DENND2B: variants seen among roughly 807,000 people sequenced by gnomAD.
DENND2B encodes the protein DENN domain-containing protein 2B.
A neutral mutation model predicts 116.0 loss-of-function variants in DENND2B; 32 were observed. The ratio of observed to expected loss-of-function variants is 0.28; its 90% CI spans 0.21 to 0.37. The LOEUF (loss-of-function observed/expected upper bound fraction) is 0.37, where lower values mean the gene tolerates loss of function less well. DENND2B is among the 10% of genes least tolerant of loss of function. The pLI, the probability that DENND2B is intolerant of heterozygous loss-of-function variation, is 1.00. For synonymous variants in DENND2B, 588 were observed against 583.9 expected (o/e 1.01, Z -0.10); for missense variants, 1,276 against 1,477.7 (o/e 0.86, Z 2.24).
At chr11:8,736,171 G>A (rs1207642125) in intron 2 of DENND2B, among the ~76,000 whole-genome samples, 1 of 152,130 alleles carries the variant, frequency 6.6e-6, no homozygotes, top group African/African-American at 2.4e-5. Flanking sequence ...AACCCCACCA[G>A]GCCGGAGATA....
chr11:8,880,384 TA>T lies in DENND2B; in HGVS notation c.-156+625del, dbSNP rs1458491953. On this transcript the variant is annotated intron_variant, in intron 2 of 22. Coordinates refer to the DENND2B transcript ENST00000534127. ...GTGTGTGTGTGTGTGTGTGTGTGTG[TA>T]GTTTTTACTACCAAATGTGATTTAT... is the stretch of plus-strand genomic sequence containing the variant. Among the ~76,000 whole-genome samples, 48 of 150,072 alleles carry T rather than the reference TA, an allele frequency of 3.2e-4. 1 individual carries two copies. The highest frequency in any genetic ancestry group is 9.1e-4 in the African/African-American group (37 of 40,632).
chr11:8,740,998 A>G (rs1408288992), intron 2 of DENND2B, among the ~76,000 whole-genome samples: 2 of 152,224 alleles, frequency 1.3e-5, no homozygotes, highest in Non-Finnish European at 2.9e-5. Flanking sequence ...CCCATTCCAG[A>G]AAAGTCCTGA....
intron 3 of DENND2B, 113 bp downstream of exon 3, chr11:8,729,837 A>C: frequency 7.3e-7 from 1 of 1,375,442 alleles, no homozygotes; most frequent in Non-Finnish European, 9.9e-7. Flanking sequence ...TCAGCACTTC[A>C]GAGCTTACGA....
Position 8,696,031 on chromosome 11 carries a change from C to T in DENND2B, c.3292+396G>A, listed in dbSNP as rs145409464. ...CATCTGCCTTAAATGAAGACTGCCA[C>T]CAACCTACGACAGCTGGCCCAATGC... On this transcript the variant is annotated intron_variant, in intron 18 of 19. Transcript: ENST00000313726. The T allele has an allele frequency of 3.6e-4, 93 of 257,266 alleles. No homozygotes were observed. The East Asian group carries it at 8.5e-3, about 23-fold the overall frequency. The allele number at this position is 257,266 out of a possible 1,614,324, so 15.9% of individuals were successfully genotyped here.
At chr11:8,792,560 T>C (rs559824030) in intron 1 of DENND2B, among the ~76,000 whole-genome samples, 2 of 152,284 alleles carry the variant, frequency 1.3e-5, no homozygotes, top group South Asian at 4.1e-4. Flanking sequence ...CGTATGTATG[T>C]AAAAGCTCTC....
chr11:8,698,907 ACT>A (rs1565623032), intron 16 of DENND2B, 24 bp downstream of exon 16: 1 of 1,613,940 alleles, frequency 6.2e-7, no homozygotes, highest in Non-Finnish European at 8.5e-7. Context: ...CAGGAGCCCA[ACT>A]CTAGCAAGCA....
intron 1 of DENND2B, among the ~76,000 whole-genome samples, chr11:8,755,716 G>T (rs772435443): frequency 6.6e-6 from 1 of 152,138 alleles, no homozygotes; most frequent in Non-Finnish European, 1.5e-5. Context: ...TCGAACTGCT[G>T]GTCTCAAGTG....
chr11:8,901,648 T>C (rs1175759347), intron 1 of DENND2B, among the ~76,000 whole-genome samples: 1 of 152,222 alleles, frequency 6.6e-6, no homozygotes, highest in Non-Finnish European at 1.5e-5. Context: ...TCATACATTT[T>C]GATATATCAC....
At chr11:8,750,553 T>G in intron 2 of DENND2B, 68 bp downstream of exon 2, 1 of 1,355,168 alleles carries the variant, frequency 7.4e-7, no homozygotes, top group Non-Finnish European at 1.1e-6. Context: ...ACTATTTACA[T>G]TTTGGAGGGA....
intron 2 of DENND2B, among the ~76,000 whole-genome samples, chr11:8,739,819 C>A (rs938828810): frequency 6.6e-6 from 1 of 152,156 alleles, no homozygotes; most frequent in African/African-American, 2.4e-5. Context: ...CACACACACA[C>A]AAATATGTAA....
At chr11:8,847,637 A>G (rs2062860700) in intron 3 of DENND2B, among the ~76,000 whole-genome samples, 1 of 152,196 alleles carries the variant, frequency 6.6e-6, no homozygotes, top group South Asian at 2.1e-4. Flanking sequence ...CAAGCTCTCA[A>G]TATTTGTCAT....
chr11:8,717,657 G>T, intron 5 of DENND2B, 84 bp downstream of exon 5: 80 of 1,456,316 alleles, frequency 5.5e-5, no homozygotes, highest in South Asian at 2.5e-4. Context: ...AGCCTGAGTG[G>T]AAGCTGGGCC....
chr11:8,822,520 C>T (rs2061804789), intron 4 of DENND2B, among the ~76,000 whole-genome samples: 1 of 152,342 alleles, frequency 6.6e-6, no homozygotes, highest in African/African-American at 2.4e-5. Flanking sequence ...CTCTTTCCTG[C>T]AACCTTCCGC....
In DENND2B at chr11:8,699,348, G is replaced by A. The variant is rs367902769; in HGVS notation, c.2763C>T (p.Tyr921=). ...SCSHAVVALL[Y]PFSWQHTFIP... ...TGAAGGTGTGCTGCCAGGAGAAGGG[G>A]TAGAGCAAGGCCACCACCGCGTGGG... Residue 921 remains tyrosine (Y), a synonymous_variant, in exon 15 of 20, where the codon TAC becomes TAT. Coordinates refer to ENST00000313726, the MANE Select transcript of DENND2B (RefSeq NM_213618.2). The A allele has an allele frequency of 6.2e-6, 10 of 1,607,122 alleles. No homozygotes were observed. In the African/African-American group the frequency reaches 9.4e-5, roughly 15 times the overall value.
intron 2 of DENND2B, among the ~76,000 whole-genome samples, chr11:8,877,014 A>G (rs1353675519): frequency 6.6e-6 from 1 of 152,004 alleles, no homozygotes; most frequent in Non-Finnish European, 1.5e-5. Flanking sequence ...AGACAAGCTC[A>G]GAAAGGCTCA....
intron 1 of DENND2B, among the ~76,000 whole-genome samples, chr11:8,886,842 G>A (rs2742537): frequency 0.49 from 73,748 of 151,484 alleles, 18,561 homozygotes; most frequent in Middle Eastern, 0.69. Context: ...TTTTGGCAGG[G>A]GTGTAGACAG....
intron 4 of DENND2B, among the ~76,000 whole-genome samples, chr11:8,725,582 T>C (rs559030106): frequency 5.5e-4 from 83 of 152,138 alleles, no homozygotes; most frequent in African/African-American, 1.8e-3. Flanking sequence ...GGTCTCGAAC[T>C]CCTGACCTTA....
At chr11:8,732,149 C>T (rs992130814) in intron 2 of DENND2B, among the ~76,000 whole-genome samples, 1 of 152,168 alleles carries the variant, frequency 6.6e-6, no homozygotes, top group Non-Finnish European at 1.5e-5. Flanking sequence ...GCAGCTCCAC[C>T]CTCCAGCAGT....
chr11:8,893,876 T>G (rs1285556483), intron 1 of DENND2B, among the ~76,000 whole-genome samples: 1 of 152,006 alleles, frequency 6.6e-6, no homozygotes, highest in African/African-American at 2.4e-5. Context: ...ACGACTTTCT[T>G]CACAGAATTG....
Sources: allele counts gnomAD v4.1 joint callset (sites outside exome capture counted in the v4.1 genomes callset), GRCh38; gene constraint gnomAD v4.1.1; transcripts MANE v1.5; gene names NCBI Gene and HGNC (gene_info 2026-07-23, HGNC 2026-07-21).